Variants in FTSJ3 observed in about 807,000 individuals in gnomAD.
FTSJ3 encodes FtsJ RNA 2'-O-methyltransferase 3.
Under a neutral mutation model 111.5 loss-of-function variants are expected in FTSJ3, and 46 were observed. That is an observed-to-expected ratio of 0.41 (90% CI 0.33 to 0.53). FTSJ3 has a LOEUF of 0.53. Among genes scored for constraint, FTSJ3 ranks in the 20% least tolerant of loss-of-function variants. The pLI is 0.19. For synonymous variants in FTSJ3, 408 were observed against 383.0 expected, an observed-to-expected ratio of 1.07 and a Z score of -0.76; for missense variants, 1,075 against 1,063.8, an observed-to-expected ratio of 1.01 and a Z score of -0.15.
In FTSJ3 at chr17:63,820,945, A is replaced by G; in HGVS notation, c.1973-7T>C. 1.2e-6 allele frequency: 2 copies of G among 1,613,530 alleles called. No homozygotes were observed. Among genetic ancestry groups the G allele is most frequent in the Non-Finnish European group, 8.5e-7 (1 of 1,179,448 alleles). On this transcript the variant is annotated splice_polypyrimidine_tract_variant and splice_region_variant and intron_variant, in intron 17 of 20. Coordinates refer to ENST00000427159, the MANE Select transcript of FTSJ3 (RefSeq NM_017647.4). The stretch of plus-strand genomic sequence containing the variant: ...TCCAGTATCCGATGTTTCGCTAGAG[A>G]GGGAAGGAGAAAGGTCAAAGCTCAA...
Position 63,820,352 on chromosome 17 carries a change from C to G in FTSJ3, c.2159G>C (p.Gly720Ala). 3 of 1,614,150 alleles carry G rather than the reference C, an allele frequency of 1.9e-6. No homozygotes were observed. The highest frequency in any genetic ancestry group is 1.1e-5 in the South Asian group (1 of 91,078). Residue 720 changes from glycine (G) to alanine (A), a missense_variant, in exon 19 of 21, where the codon GGT (glycine) becomes GCT (alanine). Physicochemically the swap from Gly to Ala is moderately conservative, Grantham distance 60. Transcript: ENST00000427159. ...CCGGTAATGCTCCACCTCCTTCTTA[C>G]CAACAGGCAACTGTCGTATCCGGTG... is the stretch of plus-strand genomic sequence containing the variant. ...KQHRIRQLPV[G>A]KKEVEHYRKR...
chr17:63,825,740 C>T, intron 5 of FTSJ3, 105 bp from the exon 6 acceptor site: 1 of 910,284 alleles, frequency 1.1e-6, no homozygotes, highest in African/African-American at 1.6e-5. Context: ...GGGCCAAATG[C>T]AGTACCAGGC....
intron 18 of FTSJ3, 36 bp from the exon 19 acceptor site, chr17:63,820,474 T>C (rs2144602076): frequency 3.1e-6 from 5 of 1,600,212 alleles, no homozygotes; most frequent in Non-Finnish European, 4.3e-6. Context: ...TATCCAACAT[T>C]CCAGGCTTTC....
At chr17:63,823,392 G>A (rs1246979687) in intron 13 of FTSJ3, among the ~76,000 whole-genome samples, 1 of 152,114 alleles carries the variant, frequency 6.6e-6, no homozygotes, top group Non-Finnish European at 1.5e-5. Flanking sequence ...TCAGGAGGTC[G>A]AGACCATCCT....
chr17:63,825,573 G>A lies in FTSJ3; in HGVS notation c.363C>T (p.Asn121=), dbSNP rs115600376. The part of the protein sequence containing the change: ...VDVVLNDGAP[N]VGASWVHDAY... ...CATCATGGACCCAGCTAGCCCCAAC[G>A]TTGGGGGCCCCATCATTGAGCACAA... The change falls in exon 6 of 21, where the codon AAC becomes AAT. Residue 121 remains asparagine, a synonymous_variant. Transcript: ENST00000427159. 588 of 1,614,140 alleles carry A rather than the reference G, an allele frequency of 3.6e-4. No individual in the cohort carries two copies. The African/African-American group carries it at 6.8e-3, about 19-fold the overall frequency.
At position 63,827,432 on chromosome 17, in the gene FTSJ3, C is replaced by T. The variant is rs2040120513; in HGVS notation, c.-407G>A. Reference sequence around the variant, plus strand: ...CTGGTCTTCAGGTCCCAATCCTCCGCTTCCGCGCTTGCGCGCCAAGACGGC... The same window carrying T: ...CTGGTCTTCAGGTCCCAATCCTCCGTTTCCGCGCTTGCGCGCCAAGACGGC... On this transcript the variant is annotated 5_prime_UTR_variant, in exon 1 of 21. Coordinates refer to ENST00000427159, the MANE Select transcript of FTSJ3 (RefSeq NM_017647.4). 2 of 1,551,490 alleles carry T rather than the reference C, an allele frequency of 1.3e-6. No homozygotes were observed. The highest frequency in any genetic ancestry group is 1.4e-5 in the African/African-American group (1 of 73,072).
rs757854130 is a variant in FTSJ3 at position 63,822,011 on chromosome 17, C to T, written c.1448G>A (p.Gly483Glu). 6.2e-7 allele frequency: 1 copy of T among 1,614,144 alleles called. No individual in the cohort carries two copies. The highest frequency in any genetic ancestry group is 8.5e-7 in the Non-Finnish European group (1 of 1,180,022). Residue 483 changes from glycine (G) to glutamate (E), a missense_variant, in exon 14 of 21, where the codon GGA becomes GAA. By Grantham distance (98) the Gly-to-Glu change is moderately conservative (BLOSUM62 -2). This residue lies in a region of FTSJ3 where 867 missense variants were observed against 796.9 expected (regional missense o/e 1.09). Coordinates refer to ENST00000427159, the MANE Select transcript of FTSJ3 (RefSeq NM_017647.4). ...CTTTTGGTCCCTTAGACCCTGATGTCCCCTGACTCCTGCCAGCTCCTCTGG... is the reference window on the plus strand; with the variant it reads ...CTTTTGGTCCCTTAGACCCTGATGTTCCCTGACTCCTGCCAGCTCCTCTGG... ...LDPEELAGVR[G>E]HQGLRDQKRM...
chr17:63,821,276 A>AT, intron 16 of FTSJ3, 78 bp downstream of exon 16: 1 of 1,528,816 alleles, frequency 6.5e-7, no homozygotes, highest in Non-Finnish European at 8.9e-7. Context: ...TGCAGCCAAG[A>AT]TTAAGAACCC....
In FTSJ3 at chr17:63,826,678, CA is replaced by C. The variant is rs1370678319; in HGVS notation, c.68-7del. 6.2e-7 allele frequency: 1 copy of C among 1,611,540 alleles called. No individual in the cohort carries two copies. Among genetic ancestry groups the C allele is most frequent in the African/African-American group, 1.3e-5 (1 of 74,842 alleles). On this transcript the variant is annotated splice_polypyrimidine_tract_variant and splice_region_variant and intron_variant, in intron 2 of 20. Transcript: ENST00000427159. Reference sequence around the variant, plus strand: ...AGCAGATCGGGAACGGTAACCTGGACAAAACAACCAAGTGCGCAAACTGCTT... The same window carrying C: ...AGCAGATCGGGAACGGTAACCTGGACAAACAACCAAGTGCGCAAACTGCTT...
intron 3 of FTSJ3, 91 bp from the exon 4 acceptor site, chr17:63,826,395 C>T: frequency 2.3e-6 from 3 of 1,305,974 alleles, no homozygotes; most frequent in East Asian, 2.3e-5. Context: ...CGTGTACTGG[C>T]CAAAGCATAT....
At chr17:63,822,298 G>T in intron 13 of FTSJ3, 130 bp from the exon 14 acceptor site, 2 of 750,870 alleles carry the variant, frequency 2.7e-6, no homozygotes, top group Non-Finnish European at 4.2e-6. Context: ...TCCTTTCACA[G>T]ATGGGAAAGC....
Position 63,821,573 on chromosome 17 carries a change from T to C in FTSJ3, c.1667A>G (p.Glu556Gly). 1 of 1,614,120 alleles carries C rather than the reference T, an allele frequency of 6.2e-7. No homozygotes were observed. Among genetic ancestry groups the C allele is most frequent in the South Asian group, 1.1e-5 (1 of 91,076 alleles). The part of the protein sequence containing the change: ...LEISQAQLLF[E>G]NRRKGRQQQQ... Reference sequence around the variant, plus strand: ...CTGCTGCCGTCCCTTCCGCCGGTTCTCAAATAACAGCTGGGCCTGACTGAT... The same window carrying C: ...CTGCTGCCGTCCCTTCCGCCGGTTCCCAAATAACAGCTGGGCCTGACTGAT... Residue 556 changes from glutamate (E) to glycine (G), a missense_variant, in exon 16 of 21, where the codon GAG becomes GGG. Transcript: ENST00000427159.
At chr17:63,825,935 T>C in intron 5 of FTSJ3, 121 bp downstream of exon 5, 1 of 798,704 alleles carries the variant, frequency 1.3e-6, no homozygotes, top group Non-Finnish European at 2.1e-6. Context: ...GGTCTTGTCG[T>C]ACAGATGTCA....
intron 13 of FTSJ3, among the ~76,000 whole-genome samples, chr17:63,823,210 G>A (rs1394578452): frequency 6.6e-6 from 1 of 152,212 alleles, no homozygotes; most frequent in African/African-American, 2.4e-5. Flanking sequence ...CCCCTCTGAG[G>A]GAGATCCTCT....
Position 63,821,543 on chromosome 17 carries a change from T to C in FTSJ3, c.1697A>G (p.Gln566Arg). 3 of 1,613,532 alleles carry C rather than the reference T, an allele frequency of 1.9e-6. No homozygotes were observed. Among genetic ancestry groups the C allele is most frequent in the Non-Finnish European group, 2.5e-6 (3 of 1,179,714 alleles). The change falls in exon 16 of 21, where the codon CAG (glutamine) becomes CGG (arginine). Residue 566 changes from glutamine (Q) to arginine (R), a missense_variant. By Grantham distance (43) the Gln-to-Arg change is conservative. Coordinates refer to ENST00000427159, the MANE Select transcript of FTSJ3 (RefSeq NM_017647.4). ...ENRRKGRQQQ[Q>R]KQQLPQTPPS... is the part of the protein sequence containing the mutation. The stretch of plus-strand genomic sequence containing the variant: ...GGGTGTCTGTGGCAGCTGCTGCTTC[T>C]GCTGCTGCTGCCGTCCCTTCCGCCG...
intron 2 of FTSJ3, 25 bp from the exon 3 acceptor site, chr17:63,826,697 A>G (rs1473598002): frequency 1.3e-6 from 2 of 1,592,706 alleles, no homozygotes; most frequent in Non-Finnish European, 1.7e-6. Flanking sequence ...CAAGTGCGCA[A>G]ACTGCTTCAC....
chr17:63,826,385 C>G lies in FTSJ3; in HGVS notation c.174-81G>C, dbSNP rs551233455. ...AACTGATCTCTCATCCCTGGTGTTA[C>G]GTGTACTGGCCAAAGCATATCATAG... is the stretch of plus-strand genomic sequence containing the variant. On this transcript the variant is annotated intron_variant, in intron 3 of 20. Transcript: ENST00000427159. 11 of 1,362,488 alleles carry G rather than the reference C, an allele frequency of 8.1e-6. No individual in the cohort carries two copies. The South Asian group carries it at 1.3e-4, about 16-fold the overall frequency. 84.4% of individuals were successfully genotyped at this position (1,362,488 alleles called of 1,614,324 possible). A position where few individuals can be genotyped will look rare whatever the true frequency, so the allele number is the denominator to read the frequency against.
chr17:63,825,558 C>G lies in FTSJ3; in HGVS notation c.378G>C (p.Trp126Cys). 1 of 1,614,172 alleles carries G rather than the reference C, an allele frequency of 6.2e-7. No homozygotes were observed. The highest frequency in any genetic ancestry group is 8.5e-7 in the Non-Finnish European group (1 of 1,180,034). The change falls in exon 6 of 21, where the codon TGG (tryptophan) becomes TGC (cysteine). Residue 126 changes from tryptophan (W) to cysteine (C), a missense_variant. Trp to Cys is a radical substitution (Grantham distance 215). Transcript: ENST00000427159. ...NDGAPNVGAS[W>C]VHDAYSQAHL... is the part of the protein sequence containing the mutation. ...TACCTTGTGAGTAAGCATCATGGACCCAGCTAGCCCCAACGTTGGGGGCCC... is the reference window on the plus strand; with the variant it reads ...TACCTTGTGAGTAAGCATCATGGACGCAGCTAGCCCCAACGTTGGGGGCCC...
At position 63,819,952 on chromosome 17, in the gene FTSJ3, G is replaced by A. The variant is rs1567750751; in HGVS notation, c.2394C>T (p.Val798=). Residue 798 remains valine (V), a synonymous_variant, in exon 21 of 21, where the codon GTC becomes GTT. Transcript: ENST00000427159. ...CACCTTTTTTGGCTACAACGTAGGTGACATGGCGTTTCTCCTTGCCAAGCC... is the reference window on the plus strand; with the variant it reads ...CACCTTTTTTGGCTACAACGTAGGTAACATGGCGTTTCTCCTTGCCAAGCC... ...KAGLGKEKRH[V]TYVVAKKGVG... 1 of 1,614,184 alleles carries A rather than the reference G, an allele frequency of 6.2e-7. No homozygotes were observed. Among genetic ancestry groups the A allele is most frequent in the African/African-American group, 1.3e-5 (1 of 75,048 alleles).
Sources: allele counts gnomAD v4.1 joint callset (sites outside exome capture counted in the v4.1 genomes callset), GRCh38; gene constraint gnomAD v4.1.1; regional missense constraint gnomAD v4.1.1; transcripts MANE v1.5; gene names NCBI Gene and HGNC (gene_info 2026-07-23, HGNC 2026-07-21).